QTGAL: variants seen among roughly 807,000 people sequenced by gnomAD.
The protein encoded by QTGAL is BGnT-like protein 1.
chr17:83,020,893 A>T, the QTGAL span, among the ~76,000 whole-genome samples: 3 of 152,086 alleles, frequency 2.0e-5, no homozygotes, highest in Non-Finnish European at 4.4e-5. Context: ...AGAGAGAGAG[A>T]TCATTGCGAA....
At chr17:83,048,559 C>T in the QTGAL span, 20 of 1,613,918 alleles carry the variant, frequency 1.2e-5, no homozygotes, top group South Asian at 1.8e-4. Flanking sequence ...CAATGATAGC[C>T]CCAGACTTGT....
At chr17:82,970,648 TGTGGCCGCGACCTCCGCACCCAGC>T in the QTGAL span, among the ~76,000 whole-genome samples, 1 of 33,536 alleles carries the variant, frequency 3.0e-5, no homozygotes, top group South Asian at 1.0e-3. Flanking sequence ...CCGCACCCGG[TGTGGCCGCGACCTCCGCACCCAGC>T]GTGGCCGTGA....
At chr17:82,944,059 GAAGGAAC>G in the QTGAL span, 4 of 152,270 alleles carry the variant, frequency 2.6e-5, no homozygotes, top group Admixed American at 6.5e-5. Flanking sequence ...ACTGAGGATG[GAAGGAAC>G]AAGTGGCTTC....
the QTGAL span, among the ~76,000 whole-genome samples, chr17:83,003,263 G>A: frequency 6.8e-4 from 16 of 23,412 alleles, no homozygotes; most frequent in African/African-American, 3.4e-3. Flanking sequence ...CCGCCCTCCC[G>A]CCCTCCGCGT....
chr17:82,955,103 C>T, the QTGAL span, among the ~76,000 whole-genome samples: 1 of 152,198 alleles, frequency 6.6e-6, no homozygotes, highest in African/African-American at 2.4e-5. Context: ...GCAATTGCAA[C>T]AGAAGCCAAA....
the QTGAL span, among the ~76,000 whole-genome samples, chr17:82,967,852 T>C: frequency 1.3e-4 from 19 of 151,950 alleles, no homozygotes; most frequent in East Asian, 2.7e-3. Flanking sequence ...GGAGGATCCT[T>C]TGAGCTCCGG....
the QTGAL span, among the ~76,000 whole-genome samples, chr17:83,037,315 C>A: frequency 5.9e-5 from 9 of 152,226 alleles, no homozygotes; most frequent in Non-Finnish European, 1.3e-4. The surrounding 1 kb of genome is among the most constrained non-coding windows in gnomAD (Gnocchi z 5.2). Context: ...TGGGACCGCA[C>A]AGCCGCACAG....
At chr17:82,955,368 G>C in the QTGAL span, among the ~76,000 whole-genome samples, 1 of 152,132 alleles carries the variant, frequency 6.6e-6, no homozygotes, top group Non-Finnish European at 1.5e-5. Flanking sequence ...GCTCATCACT[G>C]GTCATTAGAG....
chr17:82,980,587 C>T, the QTGAL span, among the ~76,000 whole-genome samples: 12 of 152,296 alleles, frequency 7.9e-5, no homozygotes, highest in African/African-American at 2.9e-4. Context: ...CCACAGAATT[C>T]AGGGAAACAC....
the QTGAL span, among the ~76,000 whole-genome samples, chr17:82,968,639 G>C: frequency 6.6e-6 from 1 of 152,254 alleles, no homozygotes; most frequent in Non-Finnish European, 1.5e-5. Context: ...TGCAGGGACA[G>C]ACGTCGCATC....
chr17:82,959,313 A>G, the QTGAL span, among the ~76,000 whole-genome samples: 2 of 151,880 alleles, frequency 1.3e-5, no homozygotes, highest in Non-Finnish European at 2.9e-5. Context: ...CAGTGAGTGC[A>G]CATGCCTGCA....
At chr17:83,036,853 C>T in the QTGAL span, among the ~76,000 whole-genome samples, 1 of 152,102 alleles carries the variant, frequency 6.6e-6, no homozygotes, top group African/African-American at 2.4e-5. Flanking sequence ...GCTCAACTTC[C>T]CCCTGCCAGC....
the QTGAL span, chr17:83,035,194 T>C: frequency 8.8e-7 from 1 of 1,142,356 alleles, no homozygotes; most frequent in Non-Finnish European, 1.2e-6. Flanking sequence ...TTTTTTTTTT[T>C]TCGAGATGGA....
chr17:83,009,960 A>AG, the QTGAL span, among the ~76,000 whole-genome samples: 1 of 81,008 alleles, frequency 1.2e-5, no homozygotes, highest in Non-Finnish European at 2.5e-5. Context: ...GCTGTGGGGG[A>AG]GGGGAGCTGT....
At chr17:82,989,044 A>C in the QTGAL span, among the ~76,000 whole-genome samples, 2 of 152,222 alleles carry the variant, frequency 1.3e-5, no homozygotes, top group Non-Finnish European at 2.9e-5. Flanking sequence ...ATAAAGGTAC[A>C]TGCACGCGTA....
the QTGAL span, among the ~76,000 whole-genome samples, chr17:82,988,627 T>A: frequency 2.6e-5 from 4 of 152,124 alleles, no homozygotes; most frequent in Non-Finnish European, 5.9e-5. Context: ...AGGTCTAATA[T>A]CTGGAATCTA....
chr17:82,992,475 T>TTC, the QTGAL span, among the ~76,000 whole-genome samples: 1 of 152,172 alleles, frequency 6.6e-6, no homozygotes, highest in Non-Finnish European at 1.5e-5. Context: ...GAAAATATCC[T>TTC]TCAAACATGA....
the QTGAL span, among the ~76,000 whole-genome samples, chr17:83,026,911 G>A: frequency 7.4e-6 from 1 of 135,734 alleles, no homozygotes; most frequent in Non-Finnish European, 1.6e-5. Flanking sequence ...GACACACAGA[G>A]GAGGGCAGGG....
chr17:83,020,752 T>C, the QTGAL span, among the ~76,000 whole-genome samples: 3 of 152,334 alleles, frequency 2.0e-5, no homozygotes, highest in South Asian at 4.1e-4. Context: ...CACGGCCGCA[T>C]GGCACTCCTG....
Sources: gnomAD v4.1 joint callset for allele counts (sites outside exome capture counted in the v4.1 genomes callset) on GRCh38, gnomAD v4.1.1 for gene constraint, Gnocchi (gnomAD v3.1) non-coding constraint, MANE v1.5 for transcripts, NCBI Gene and HGNC (gene_info 2026-07-23, HGNC 2026-07-21) for gene names.